ERMP1: variants seen among roughly 807,000 people sequenced by gnomAD.
The protein encoded by ERMP1 is endoplasmic reticulum metallopeptidase 1.
Under a neutral mutation model 92.0 loss-of-function variants are expected in ERMP1, and 86 were observed. That is an observed-to-expected ratio of 0.93 (90% CI 0.79 to 1.12). The LOEUF (loss-of-function observed/expected upper bound fraction) is 1.12. Ranked by LOEUF, ERMP1 falls within the 50% of genes most tolerant of loss-of-function variation. The pLI is 0.00. For missense variants in ERMP1, 1,342 were observed against 1,116.3 expected (o/e 1.20, Z -2.88); for synonymous variants, 530 against 412.8 (o/e 1.28, Z -3.44).
Position 5,809,991 on chromosome 9 carries a change from C to A in ERMP1, c.1548+20G>T. 6.6e-7 allele frequency: 1 copy of A among 1,516,804 alleles called. No homozygotes were observed. The highest frequency in any genetic ancestry group is 9.1e-7 in the Non-Finnish European group (1 of 1,094,542). 94.0% of individuals were successfully genotyped at this position (1,516,804 alleles called of 1,614,324 possible). On this transcript the variant is annotated intron_variant, in intron 8 of 14. Transcript: ENST00000339450. ...CCTGGAGGCAACAGAAAGAAATCAACAAATATACCAAACACTTACCATGTA... is the reference window on the plus strand; with the variant it reads ...CCTGGAGGCAACAGAAAGAAATCAAAAAATATACCAAACACTTACCATGTA...
intron 8 of ERMP1, among the ~76,000 whole-genome samples, chr9:5,808,582 A>G (rs1828958190): frequency 3.3e-5 from 5 of 152,190 alleles, no homozygotes; most frequent in Admixed American, 3.3e-4. Flanking sequence ...AAAATCATCC[A>G]TGTCTCATTC....
At chr9:5,802,497 G>A (rs1377939078) in intron 10 of ERMP1, among the ~76,000 whole-genome samples, 4 of 152,170 alleles carry the variant, frequency 2.6e-5, no homozygotes, top group Non-Finnish European at 5.9e-5. Context: ...CGATTCTTGT[G>A]CCTCAGCCTC....
chr9:5,813,018 A>G lies in ERMP1; in HGVS notation c.892T>C (p.Leu298=). 2.5e-6 allele frequency: 4 copies of G among 1,614,016 alleles called. No homozygotes were observed. The highest frequency in any genetic ancestry group is 3.4e-6 in the Non-Finnish European group (4 of 1,179,908). Residue 298 remains leucine (L), a synonymous_variant, in exon 5 of 15, where the codon TTG becomes CTG. Transcript: ENST00000339450. ...VFQTGPENPW[L]VQAYVSAAKH... ...GCTGCTGAAACATAAGCTTGAACCA[A>G]CCAAGGATTTTCAGGACCTAAAATG...
At chr9:5,811,747 G>C (rs915671543) in intron 6 of ERMP1, among the ~76,000 whole-genome samples, 1 of 152,154 alleles carries the variant, frequency 6.6e-6, no homozygotes, top group Non-Finnish European at 1.5e-5. Flanking sequence ...GGTGAACCAA[G>C]AGACAAAGGC....
At chr9:5,825,430 T>G (rs1413141736) in intron 2 of ERMP1, among the ~76,000 whole-genome samples, 1 of 152,192 alleles carries the variant, frequency 6.6e-6, no homozygotes, top group Non-Finnish European at 1.5e-5. Flanking sequence ...TGACTTACTC[T>G]CAATGCCTAC....
intron 2 of ERMP1, among the ~76,000 whole-genome samples, chr9:5,825,628 C>T (rs1829703323): frequency 6.6e-6 from 1 of 152,204 alleles, no homozygotes; most frequent in African/African-American, 2.4e-5. Flanking sequence ...GCATCATCTC[C>T]CACTGCACCC....
intron 4 of ERMP1, among the ~76,000 whole-genome samples, chr9:5,813,576 G>A (rs564798242): frequency 3.3e-5 from 5 of 152,118 alleles, no homozygotes; most frequent in African/African-American, 1.2e-4. Context: ...TCCAAAATCA[G>A]AAATGCTCCA....
At chr9:5,793,496 G>C (rs1197508668) in intron 13 of ERMP1, among the ~76,000 whole-genome samples, 2 of 152,068 alleles carry the variant, frequency 1.3e-5, no homozygotes, top group African/African-American at 4.8e-5. Context: ...CAAATTAAAA[G>C]ACAGAGCGTC....
At chr9:5,795,888 G>A (rs932802260) in intron 13 of ERMP1, among the ~76,000 whole-genome samples, 1 of 152,206 alleles carries the variant, frequency 6.6e-6, no homozygotes, top group African/African-American at 2.4e-5. Context: ...TAGCAAGGCT[G>A]CAGGATATGA....
chr9:5,830,150 A>AT (rs752941876), intron 2 of ERMP1, among the ~76,000 whole-genome samples: 3 of 152,228 alleles, frequency 2.0e-5, no homozygotes, highest in Non-Finnish European at 4.4e-5. Context: ...ACAGCTTTGA[A>AT]TGCAGCCCAA....
At chr9:5,794,546 G>C (rs1260925104) in intron 13 of ERMP1, among the ~76,000 whole-genome samples, 1 of 152,000 alleles carries the variant, frequency 6.6e-6, no homozygotes, top group Non-Finnish European at 1.5e-5. Flanking sequence ...TTACTAATAT[G>C]AGAAATGAAA....
At chr9:5,849,646 A>G (rs1830281872) in intron 6 of ERMP1, among the ~76,000 whole-genome samples, 1 of 152,208 alleles carries the variant, frequency 6.6e-6, no homozygotes, top group African/African-American at 2.4e-5. Context: ...CCTCACTTCA[A>G]TAAGTTGTCC....
At chr9:5,796,787 T>C (rs939164471) in intron 13 of ERMP1, among the ~76,000 whole-genome samples, 3 of 152,168 alleles carry the variant, frequency 2.0e-5, no homozygotes, top group Admixed American at 6.5e-5. Context: ...TTCTGTATGA[T>C]ACTGTAATGG....
Position 5,811,261 on chromosome 9 carries a change from T to G in ERMP1, c.1177A>C (p.Lys393Gln), listed in dbSNP as rs767743378. The G allele has an allele frequency of 1.4e-5, 23 of 1,613,378 alleles. No individual in the cohort carries two copies. Among genetic ancestry groups the G allele is most frequent in the Non-Finnish European group, 1.8e-5 (21 of 1,179,892 alleles). The change falls in exon 7 of 15, where the codon AAG becomes CAG. Residue 393 changes from lysine to glutamine, a missense_variant. Physicochemically the swap from Lys to Gln is moderately conservative, Grantham distance 53. Coordinates refer to ENST00000339450, the MANE Select transcript of ERMP1 (RefSeq NM_024896.3). ...AAGACCATGTTTCCATGTCGATACT[T>G]AGAAGCAGCAGCCAGCATATCAGAT... ...ATSDMLAAASKYRHGNMVFFD... is the reference protein window; with the variant it reads ...ATSDMLAAASQYRHGNMVFFD...
intron 6 of ERMP1, among the ~76,000 whole-genome samples, chr9:5,843,164 G>A (rs1408652077): frequency 1.3e-5 from 2 of 152,208 alleles, no homozygotes; most frequent in African/African-American, 4.8e-5. Flanking sequence ...AACAGGTCAG[G>A]TTAAGGTTAG....
intron 5 of ERMP1, among the ~76,000 whole-genome samples, chr9:5,860,097 GACC>G (rs1487511222): frequency 1.3e-5 from 2 of 149,118 alleles, no homozygotes. Context: ...CCCAGTTTGA[GACC>G]AGCCGGGGCA....
chr9:5,834,979 GTGTGT>G (rs1563776723), upstream of ERMP1, among the ~76,000 whole-genome samples: 12 of 13,964 alleles, frequency 8.6e-4, no homozygotes, highest in African/African-American at 3.9e-3. Flanking sequence ...ATAGATAGAT[GTGTGT>G]GTGTGTGTGT....
intron 4 of ERMP1, among the ~76,000 whole-genome samples, chr9:5,820,614 T>C (rs2131257670): frequency 1.3e-5 from 2 of 152,342 alleles, no homozygotes; most frequent in Admixed American, 1.3e-4. Context: ...ATGATTATTC[T>C]AGTCACTAAA....
Position 5,785,284 on chromosome 9 carries a change from C to T in ERMP1, c.*1860G>A, listed in dbSNP as rs867579086. 3 of 152,178 alleles carry T rather than the reference C, an allele frequency of 2.0e-5. No homozygotes were observed. Among genetic ancestry groups the T allele is most frequent in the African/African-American group, 7.2e-5 (3 of 41,438 alleles). The allele number at this position is 152,178 out of a possible 1,614,324, so 9.4% of individuals were successfully genotyped here. On this transcript the variant is annotated 3_prime_UTR_variant, in exon 15 of 15. Coordinates refer to ENST00000339450, the MANE Select transcript of ERMP1 (RefSeq NM_024896.3). ...AGAGGGGGGGAATTCACAGGGAACA[C>T]TAATTATATCAGATGAACCACGGGG... is the stretch of plus-strand genomic sequence containing the variant.
Sources: gnomAD v4.1 joint callset for allele counts (sites outside exome capture counted in the v4.1 genomes callset) on GRCh38, gnomAD v4.1.1 for gene constraint, MANE v1.5 for transcripts, NCBI Gene and HGNC (gene_info 2026-07-23, HGNC 2026-07-21) for gene names.